TENM1: variants seen among roughly 807,000 people sequenced by gnomAD.
The protein encoded by TENM1 is teneurin-1.
A neutral mutation model predicts 174.8 loss-of-function variants in TENM1; 35 were observed. The ratio of observed to expected loss-of-function variants is 0.20; its 90% CI spans 0.15 to 0.27. The LOEUF (loss-of-function observed/expected upper bound fraction) is 0.27. Among genes scored for constraint, TENM1 ranks in the 10% least tolerant of loss-of-function variants. The pLI, the probability that TENM1 is intolerant of heterozygous loss-of-function variation, is 1.00. For synonymous variants in TENM1, 781 were observed against 798.7 expected (o/e 0.98, Z 0.37); for missense variants, 1,633 against 2,130.1 (o/e 0.77, Z 4.59).
chrX:125,168,023 ATG>A, the TENM1 span, among the ~76,000 whole-genome samples: 2 of 110,870 alleles, frequency 1.8e-5, no homozygotes, highest in African/African-American at 6.5e-5. Flanking sequence ...GTGTGTGTGT[ATG>A]TGTGTGTGTG....
chrX:124,490,499 T>C (rs1191920794), intron 20 of TENM1, among the ~76,000 whole-genome samples: 2 of 111,894 alleles, frequency 1.8e-5, no homozygotes, highest in Non-Finnish European at 3.8e-5. Context: ...CCAGTTCTAC[T>C]CCATTCCCAG....
chrX:124,904,057 G>A (rs2057706432), intron 1 of TENM1, among the ~76,000 whole-genome samples: 1 of 107,117 alleles, frequency 9.3e-6, no homozygotes, highest in Admixed American at 9.7e-5. Context: ...GTCAATGGGT[G>A]CGTGTGTGTG....
intron 11 of TENM1, among the ~76,000 whole-genome samples, chrX:124,572,748 G>A (rs762742226): frequency 1.8e-5 from 2 of 110,566 alleles, no homozygotes; most frequent in Non-Finnish European, 3.8e-5. Context: ...ATTAGAACAC[G>A]TACTTTTTTT....
At chrX:124,458,680 A>G (rs984613592) in intron 22 of TENM1, among the ~76,000 whole-genome samples, 3 of 112,327 alleles carry the variant, frequency 2.7e-5, no homozygotes, top group African/African-American at 9.7e-5. Flanking sequence ...AAAGGGCTTC[A>G]TAGTCATTAT....
chrX:124,880,421 TG>T (rs760766520), intron 3 of TENM1, among the ~76,000 whole-genome samples: 20 of 112,393 alleles, frequency 1.8e-4, no homozygotes, highest in African/African-American at 6.1e-4. Context: ...AAGAGTTTTT[TG>T]TTGACGTCTT....
intron 11 of TENM1, among the ~76,000 whole-genome samples, chrX:124,605,551 G>C (rs1347683284): frequency 9.0e-6 from 1 of 110,680 alleles, no homozygotes; most frequent in Non-Finnish European, 1.9e-5. Context: ...TTCTGGTTTT[G>C]CTTTGCCATT....
chrX:124,433,191 C>T (rs1473758522), intron 23 of TENM1, among the ~76,000 whole-genome samples: 1 of 112,109 alleles, frequency 8.9e-6, no homozygotes, highest in Non-Finnish European at 1.9e-5. Context: ...CTCTGTTAGG[C>T]TTTGGTCTTG....
At chrX:124,519,558 ATC>A (rs1035474153) in intron 18 of TENM1, among the ~76,000 whole-genome samples, 1 of 110,929 alleles carries the variant, frequency 9.0e-6, no homozygotes, top group Admixed American at 9.6e-5. Context: ...TAATCTTCTC[ATC>A]TGTCCAAGGG....
the TENM1 span, among the ~76,000 whole-genome samples, chrX:124,986,704 C>A: frequency 9.0e-6 from 1 of 111,029 alleles, no homozygotes; most frequent in African/African-American, 3.3e-5. Flanking sequence ...TGCAGTGGTG[C>A]GATCTCAGCT....
chrX:124,384,681 A>T, exon 30 of TENM1: 1 of 1,210,395 alleles, frequency 8.3e-7, no homozygotes, highest in South Asian at 1.8e-5. Flanking sequence ...AATTTTCCAA[A>T]CTGCTCTGTT....
intron 22 of TENM1, among the ~76,000 whole-genome samples, chrX:124,455,960 A>G (rs1423418975): frequency 9.0e-6 from 1 of 111,469 alleles, no homozygotes; most frequent in Non-Finnish European, 1.9e-5. Flanking sequence ...TTCCTTGACT[A>G]CCACACTTCT....
chrX:124,514,276 C>G (rs2047647138), intron 18 of TENM1, among the ~76,000 whole-genome samples: 1 of 110,089 alleles, frequency 9.1e-6, no homozygotes, highest in Admixed American at 9.8e-5. Flanking sequence ...GAGAAAATTT[C>G]TAAGTGTCAC....
chrX:124,836,769 A>G (rs944488918), intron 3 of TENM1, among the ~76,000 whole-genome samples: 1 of 112,613 alleles, frequency 8.9e-6, no homozygotes, highest in Non-Finnish European at 1.9e-5. Context: ...CAGAGAAACG[A>G]AATTACCTGC....
intron 1 of TENM1, among the ~76,000 whole-genome samples, chrX:124,933,634 C>T (rs2058204877): frequency 8.9e-6 from 1 of 111,920 alleles, no homozygotes; most frequent in Admixed American, 9.5e-5. Flanking sequence ...GAAAAATGTG[C>T]ATAAAACAAA....
chrX:124,571,732 A>G (rs2049057512), intron 11 of TENM1, among the ~76,000 whole-genome samples: 1 of 111,957 alleles, frequency 8.9e-6, no homozygotes, highest in South Asian at 3.7e-4. Context: ...TCCAGAAAAC[A>G]AATGGACGTG....
the TENM1 span, among the ~76,000 whole-genome samples, chrX:125,159,906 AAAG>A: frequency 8.9e-6 from 1 of 111,908 alleles, no homozygotes; most frequent in African/African-American, 3.2e-5. Context: ...TTCAGTCAAA[AAAG>A]AAATTGGAGG....
At chrX:124,884,888 T>C (rs899600585) in intron 3 of TENM1, among the ~76,000 whole-genome samples, 1 of 112,003 alleles carries the variant, frequency 8.9e-6, no homozygotes, top group African/African-American at 3.2e-5. Context: ...ACATCACAGA[T>C]TGTACTTACA....
intron 15 of TENM1, among the ~76,000 whole-genome samples, chrX:124,535,737 C>T (rs931805601): frequency 4.5e-5 from 5 of 112,170 alleles, no homozygotes; most frequent in African/African-American, 1.6e-4. Context: ...CTGTGTCCTT[C>T]TCAGAGCCTG....
At chrX:125,078,639 C>T in the TENM1 span, among the ~76,000 whole-genome samples, 3 of 111,337 alleles carry the variant, frequency 2.7e-5, no homozygotes, top group Admixed American at 2.9e-4. Flanking sequence ...ATTTATAATG[C>T]ATCCCTTGGT....
Sources: allele counts gnomAD v4.1 joint callset (sites outside exome capture counted in the v4.1 genomes callset), GRCh38; gene constraint gnomAD v4.1.1; transcripts MANE v1.5; gene names NCBI Gene and HGNC (gene_info 2026-07-23, HGNC 2026-07-21).